The following RYR2 variants were observed in gnomAD, a reference collection of about 807,000 sequenced individuals.
RYR2 encodes the protein cardiac muscle ryanodine receptor-calcium release channel.
Under a neutral mutation model 601.1 loss-of-function variants are expected in RYR2, and 227 were observed. That is an observed-to-expected ratio of 0.38 (90% CI 0.34 to 0.42). RYR2 has a LOEUF of 0.42. RYR2 is among the 10% of genes least tolerant of loss of function. The probability of loss-of-function intolerance (pLI) is 1.00; values close to 1 mark genes in which losing one functional copy is unlikely to be tolerated. For synonymous variants in RYR2, 2,223 were observed against 2,175.1 expected (o/e 1.02, Z -0.61); for missense variants, 4,646 against 6,156.5 (o/e 0.75, Z 8.21).
chr1:237,711,640 C>G, intron 70 of RYR2, 105 bp from the exon 71 acceptor site: 1 of 654,318 alleles, frequency 1.5e-6, no homozygotes, highest in Non-Finnish European at 2.7e-6. Context: ...TCTTATATAT[C>G]AAATTAATAC....
At chr1:237,151,806 T>G (rs1674734103) in intron 1 of RYR2, among the ~76,000 whole-genome samples, 1 of 152,202 alleles carries the variant, frequency 6.6e-6, no homozygotes, top group Non-Finnish European at 1.5e-5. Context: ...CAGTGGGGTG[T>G]GGCATGGACA....
intron 101 of RYR2, among the ~76,000 whole-genome samples, chr1:237,824,896 T>C (rs972650958): frequency 6.6e-6 from 1 of 152,146 alleles, no homozygotes; most frequent in African/African-American, 2.4e-5. Context: ...AACAGCCAAA[T>C]TGTGAGTGAA....
intron 5 of RYR2, among the ~76,000 whole-genome samples, chr1:237,367,087 TG>T (rs1700258384): frequency 7.0e-6 from 1 of 143,052 alleles, no homozygotes; most frequent in Non-Finnish European, 1.6e-5. Context: ...GTTTTGTTTT[TG>T]TTTTTTTGTT....
intron 24 of RYR2, among the ~76,000 whole-genome samples, chr1:237,513,323 A>G (rs1336526246): frequency 6.6e-6 from 1 of 152,250 alleles, no homozygotes; most frequent in Non-Finnish European, 1.5e-5. Context: ...GATTTGTTCC[A>G]ATAGGTCACT....
At chr1:237,388,700 A>G (rs1186814297) in intron 10 of RYR2, among the ~76,000 whole-genome samples, 2 of 152,210 alleles carry the variant, frequency 1.3e-5, no homozygotes, top group Non-Finnish European at 2.9e-5. Context: ...GGACAAGATT[A>G]CAATAGTATG....
At chr1:237,303,045 A>T (rs1371044012) in intron 2 of RYR2, among the ~76,000 whole-genome samples, 1 of 152,148 alleles carries the variant, frequency 6.6e-6, no homozygotes, top group African/African-American at 2.4e-5. Flanking sequence ...GTTTTGAAAG[A>T]ATTGTACTTC....
intron 76 of RYR2, among the ~76,000 whole-genome samples, chr1:237,727,633 T>G (rs1408114040): frequency 6.6e-6 from 1 of 152,168 alleles, no homozygotes; most frequent in African/African-American, 2.4e-5. Flanking sequence ...GTTGTTCAGA[T>G]TATTTAATGG....
intron 100 of RYR2, among the ~76,000 whole-genome samples, chr1:237,812,629 G>A (rs749303161): frequency 6.6e-6 from 1 of 152,074 alleles, no homozygotes; most frequent in Non-Finnish European, 1.5e-5. Flanking sequence ...ATATTGATAC[G>A]GACATAGATC....
chr1:237,227,756 C>T (rs1263555039), intron 1 of RYR2, among the ~76,000 whole-genome samples: 1 of 152,182 alleles, frequency 6.6e-6, no homozygotes, highest in Non-Finnish European at 1.5e-5. Context: ...GCCTGACACC[C>T]TGAGCTGCTG....
At chr1:237,394,047 CA>C (rs778454030) in intron 10 of RYR2, among the ~76,000 whole-genome samples, 7 of 152,028 alleles carry the variant, frequency 4.6e-5, no homozygotes, top group South Asian at 2.1e-4. Flanking sequence ...CAACATTATA[CA>C]AAAAAATCTC....
At position 237,489,948 on chromosome 1, in the gene RYR2, C is replaced by T. The variant is rs116744340; in HGVS notation, c.1709-1858C>T. Among the ~76,000 whole-genome samples, 1,396 of 152,224 alleles carry T rather than the reference C, an allele frequency of 9.2e-3. 13 individuals are homozygous for T. Among genetic ancestry groups the T allele is most frequent in the Admixed American group, 0.014 (210 of 15,286 alleles). On this transcript the variant is annotated intron_variant, in intron 17 of 104. Coordinates refer to ENST00000366574, the MANE Select transcript of RYR2 (RefSeq NM_001035.3). ...GGTACCTATGCGTCATGAAATACTA[C>T]GGATTGGATAAAGAAAATGTGGTAC... is the stretch of plus-strand genomic sequence containing the variant.
At chr1:237,827,677 G>A (rs774991043) in intron 101 of RYR2, among the ~76,000 whole-genome samples, 4 of 147,396 alleles carry the variant, frequency 2.7e-5, no homozygotes, top group Non-Finnish European at 4.5e-5. Flanking sequence ...GGTGGCTCAC[G>A]CCTGTAATCC....
intron 2 of RYR2, among the ~76,000 whole-genome samples, chr1:237,272,048 T>C (rs1689741127): frequency 6.6e-6 from 1 of 152,110 alleles, no homozygotes; most frequent in African/African-American, 2.4e-5. Context: ...AAGAATCCCT[T>C]AAACCCAGGA....
At chr1:237,554,228 C>T (rs1185197319) in intron 27 of RYR2, among the ~76,000 whole-genome samples, 1 of 151,764 alleles carries the variant, frequency 6.6e-6, no homozygotes, top group Admixed American at 6.6e-5. Context: ...TTGTCCAGTG[C>T]TTTTTTCCCC....
intron 2 of RYR2, among the ~76,000 whole-genome samples, chr1:237,287,706 C>A (rs1454509019): frequency 1.3e-5 from 2 of 152,064 alleles, no homozygotes; most frequent in Admixed American, 6.6e-5. Context: ...ATATTTCTCC[C>A]TTCACTTCTT....
intron 63 of RYR2, among the ~76,000 whole-genome samples, chr1:237,689,771 A>T (rs1165058682): frequency 6.6e-6 from 1 of 152,048 alleles, no homozygotes; most frequent in African/African-American, 2.4e-5. Flanking sequence ...TTTGCCTATA[A>T]AATATAAACT....
intron 16 of RYR2, among the ~76,000 whole-genome samples, chr1:237,458,764 C>G (rs978940290): frequency 6.6e-6 from 1 of 151,808 alleles, no homozygotes; most frequent in Non-Finnish European, 1.5e-5. Flanking sequence ...AAAAAGAATG[C>G]ATTTTTAATG....
intron 24 of RYR2, among the ~76,000 whole-genome samples, chr1:237,513,326 A>G (rs905218992): frequency 6.6e-6 from 1 of 152,234 alleles, no homozygotes; most frequent in Non-Finnish European, 1.5e-5. Flanking sequence ...TTGTTCCAAT[A>G]GGTCACTTAT....
Position 237,279,034 on chromosome 1 carries a change from C to T in RYR2, c.168+8418C>T, listed in dbSNP as rs535970583. Among the ~76,000 whole-genome samples, 10 of 152,142 alleles carry T rather than the reference C, an allele frequency of 6.6e-5. No homozygotes were observed. The South Asian group carries it at 1.9e-3, about 28-fold the overall frequency. On this transcript the variant is annotated intron_variant, in intron 2 of 104. Transcript: ENST00000366574. Reference sequence around the variant, plus strand: ...GGTTACAGTCAGTATATTTAATATACGAGCAGATTTTAAATAAATGCTATA... The same window carrying T: ...GGTTACAGTCAGTATATTTAATATATGAGCAGATTTTAAATAAATGCTATA...
Sources: allele counts gnomAD v4.1 joint callset (sites outside exome capture counted in the v4.1 genomes callset), GRCh38; gene constraint gnomAD v4.1.1; transcripts MANE v1.5; gene names NCBI Gene and HGNC (gene_info 2026-07-23, HGNC 2026-07-21).